DAB1: variants seen among roughly 807,000 people sequenced by gnomAD.
DAB1 encodes DAB adaptor protein 1.
Under a neutral mutation model 64.6 loss-of-function variants are expected in DAB1, and 15 were observed. The ratio of observed to expected loss-of-function variants is 0.23; its 90% CI spans 0.16 to 0.36. The LOEUF is 0.36. Ranked by LOEUF, DAB1 falls within the 10% of genes least tolerant of loss-of-function variation. The pLI, the probability that DAB1 is intolerant of heterozygous loss-of-function variation, is 1.00. For missense variants in DAB1, 596 were observed against 706.7 expected, an observed-to-expected ratio of 0.84 and a Z score of 1.78; for synonymous variants, 235 against 251.9, an observed-to-expected ratio of 0.93 and a Z score of 0.64.
chr1:57,482,833 G>A (rs1412730177), intron 7 of DAB1, among the ~76,000 whole-genome samples: 3 of 152,132 alleles, frequency 2.0e-5, no homozygotes, highest in Non-Finnish European at 4.4e-5. Flanking sequence ...AAGATATTGA[G>A]ATCTAGAGAG....
intron 4 of DAB1, among the ~76,000 whole-genome samples, chr1:57,130,348 T>C (rs1019101030): frequency 6.6e-5 from 10 of 152,146 alleles, no homozygotes; most frequent in Non-Finnish European, 1.0e-4. Flanking sequence ...TAAACAGAGA[T>C]ACATACACAT....
intron 3 of DAB1, among the ~76,000 whole-genome samples, chr1:58,420,756 G>A (rs77074557): frequency 0.032 from 4,857 of 152,240 alleles, 94 homozygotes; most frequent in African/African-American, 0.057. Flanking sequence ...TTGGGACAGA[G>A]AGAGCAGATG....
chr1:58,216,875 AGATATTTT>A (rs1658883361), intron 4 of DAB1, among the ~76,000 whole-genome samples: 1 of 152,204 alleles, frequency 6.6e-6, no homozygotes, highest in African/African-American at 2.4e-5. Context: ...GACACTGAAA[AGATATTTT>A]GAATGTCTGA....
chr1:57,499,385 G>A (rs1392069116), intron 7 of DAB1, among the ~76,000 whole-genome samples: 7 of 152,210 alleles, frequency 4.6e-5, no homozygotes, highest in Admixed American at 4.6e-4. Context: ...GTAAGGGAGG[G>A]AGGTTGGGGA....
At chr1:57,434,012 T>C (rs765120496) in intron 7 of DAB1, among the ~76,000 whole-genome samples, 1 of 152,138 alleles carries the variant, frequency 6.6e-6, no homozygotes, top group African/African-American at 2.4e-5. Flanking sequence ...TTAATGAGGA[T>C]GTGGAGCTTT....
intron 6 of DAB1, among the ~76,000 whole-genome samples, chr1:57,693,202 C>T (rs746764177): frequency 7.3e-5 from 11 of 151,406 alleles, no homozygotes; most frequent in East Asian, 1.9e-4. Context: ...GCCCCTTCTT[C>T]GCCCCTACTT....
At chr1:57,290,314 A>T (rs995499984) in intron 2 of DAB1, among the ~76,000 whole-genome samples, 1 of 152,106 alleles carries the variant, frequency 6.6e-6, no homozygotes, top group African/African-American at 2.4e-5. Context: ...AGTGGTTCTT[A>T]AAGTAGGGTC....
rs141816876 is a variant in DAB1 at position 57,332,933 on chromosome 1, C to G, written c.-136-41767G>C. On this transcript the variant is annotated intron_variant, in intron 1 of 14. Transcript: ENST00000371236. Reference sequence around the variant, plus strand: ...AAACATCCCACACCGTCTTCTGCTCCAAGGCATCTGTTCTGTCTACTTGCT... The same window carrying G: ...AAACATCCCACACCGTCTTCTGCTCGAAGGCATCTGTTCTGTCTACTTGCT... Among the ~76,000 whole-genome samples the G allele has an allele frequency of 5.3e-3, 811 of 152,330 alleles. 10 individuals carry two copies. The highest frequency in any genetic ancestry group is 0.018 in the African/African-American group (744 of 41,564).
At position 57,552,267 on chromosome 1, in the gene DAB1, G is replaced by C. The variant is rs193174858; in HGVS notation, n.625+97325C>G. On this transcript the variant is annotated intron_variant and non_coding_transcript_variant, in intron 7 of 20. Coordinates refer to the DAB1 transcript ENST00000485760. ...CCAATTTAAGGCTAACTTAAATCCA[G>C]TTGAGGTCAAATAAATTCACTCAGC... is the stretch of plus-strand genomic sequence containing the variant. 3.9e-5 allele frequency among the ~76,000 whole-genome samples: 6 copies of C among 152,268 alleles called. No homozygotes were observed. In the East Asian group the frequency reaches 1.2e-3, roughly 29 times the overall value.
intron 4 of DAB1, among the ~76,000 whole-genome samples, chr1:57,115,662 C>G (rs985242597): frequency 6.6e-6 from 1 of 152,086 alleles, no homozygotes; most frequent in Non-Finnish European, 1.5e-5. Context: ...CAGAGGCTTC[C>G]TGGGTATTCA....
chr1:58,389,799 A>T (rs2100554108), intron 3 of DAB1, among the ~76,000 whole-genome samples: 1 of 152,240 alleles, frequency 6.6e-6, no homozygotes, highest in Admixed American at 6.5e-5. Flanking sequence ...GGAGAGAAGG[A>T]GCTGGTTACA....
At chr1:58,420,371 A>G (rs1644760570) in intron 3 of DAB1, among the ~76,000 whole-genome samples, 1 of 152,168 alleles carries the variant, frequency 6.6e-6, no homozygotes, top group African/African-American at 2.4e-5. Context: ...CCCAGACCCA[A>G]GTCATGGGTA....
At chr1:57,849,347 C>A (rs989906296) in intron 1 of DAB1, among the ~76,000 whole-genome samples, 1 of 152,150 alleles carries the variant, frequency 6.6e-6, no homozygotes. Context: ...GATCTTTCAG[C>A]CTCTCCTTAT....
At chr1:58,519,539 C>T (rs1421141142) in intron 2 of DAB1, among the ~76,000 whole-genome samples, 2 of 152,190 alleles carry the variant, frequency 1.3e-5, no homozygotes, top group East Asian at 1.9e-4. Flanking sequence ...ATCTGCTATG[C>T]TCTAAGTGAC....
chr1:57,183,988 A>G (rs1335909622), intron 2 of DAB1, among the ~76,000 whole-genome samples: 5 of 152,106 alleles, frequency 3.3e-5, no homozygotes, highest in Non-Finnish European at 7.3e-5. Flanking sequence ...GACTTAGCTA[A>G]TAACAGATCA....
intron 2 of DAB1, among the ~76,000 whole-genome samples, chr1:57,151,949 G>A (rs1659717665): frequency 6.6e-6 from 1 of 151,602 alleles, no homozygotes; most frequent in Non-Finnish European, 1.5e-5. Context: ...GGGTAGCTGG[G>A]GTTACAGGTG....
At chr1:58,415,688 A>C (rs1363025619) in intron 3 of DAB1, among the ~76,000 whole-genome samples, 2 of 152,224 alleles carry the variant, frequency 1.3e-5, no homozygotes, top group African/African-American at 4.8e-5. Context: ...TCATTCAACT[A>C]TTATAGAGTG....
chr1:57,166,152 C>A (rs1047369572), intron 2 of DAB1, among the ~76,000 whole-genome samples: 4 of 152,106 alleles, frequency 2.6e-5, no homozygotes, highest in Admixed American at 2.6e-4. Flanking sequence ...CCATCAATAG[C>A]CCTATGAGGT....
chr1:58,485,275 A>G (rs1645558584), intron 3 of DAB1, among the ~76,000 whole-genome samples: 1 of 150,230 alleles, frequency 6.7e-6, no homozygotes. Flanking sequence ...GGAAGTAAAA[A>G]AGCTGGGTTT....
Sources: allele counts gnomAD v4.1 joint callset (sites outside exome capture counted in the v4.1 genomes callset), GRCh38; gene constraint gnomAD v4.1.1; transcripts MANE v1.5; gene names NCBI Gene and HGNC (gene_info 2026-07-23, HGNC 2026-07-21).